HS6ST3: variants seen among roughly 807,000 people sequenced by gnomAD.
The protein encoded by HS6ST3 is heparan-sulfate 6-O-sulfotransferase 3.
In HS6ST3, 12 loss-of-function variants were observed where a neutral mutation model predicts 36.7. The ratio of observed to expected loss-of-function variants is 0.33; its 90% CI spans 0.21 to 0.53. The LOEUF (loss-of-function observed/expected upper bound fraction) is 0.53, where lower values mean the gene tolerates loss of function less well. HS6ST3 is among the 20% of genes least tolerant of loss of function. The pLI is 0.95. For synonymous variants in HS6ST3, 240 were observed against 257.5 expected (o/e 0.93, Z 0.65); for missense variants, 584 against 640.9 (o/e 0.91, Z 0.96).
intron 1 of HS6ST3, among the ~76,000 whole-genome samples, chr13:96,160,993 A>T (rs1348814044): frequency 6.6e-6 from 1 of 152,166 alleles, no homozygotes; most frequent in Non-Finnish European, 1.5e-5. Context: ...TTGATTCTGT[A>T]CTTCCTTAAT....
chr13:96,495,815 T>C (rs2055972102), intron 1 of HS6ST3, among the ~76,000 whole-genome samples: 1 of 152,220 alleles, frequency 6.6e-6, no homozygotes, highest in Non-Finnish European at 1.5e-5. Flanking sequence ...CTTTACATTG[T>C]GAGCAAAACA....
chr13:96,151,155 G>A (rs1361891415), intron 1 of HS6ST3, among the ~76,000 whole-genome samples: 1 of 152,152 alleles, frequency 6.6e-6, no homozygotes, highest in Admixed American at 6.5e-5. Context: ...TGTAATGATG[G>A]CACTTTGGGA....
chr13:96,124,703 T>G (rs1344737221), intron 1 of HS6ST3, among the ~76,000 whole-genome samples: 1 of 152,178 alleles, frequency 6.6e-6, no homozygotes, highest in Non-Finnish European at 1.5e-5. Flanking sequence ...TAAGGAGTCA[T>G]CCACATTAAG....
chr13:96,719,891 CTCT>C (rs1875800383), intron 1 of HS6ST3, among the ~76,000 whole-genome samples: 1 of 152,148 alleles, frequency 6.6e-6, no homozygotes, highest in Non-Finnish European at 1.5e-5. Context: ...TTCTTCCTGT[CTCT>C]TCTTTCTCTC....
chr13:96,507,814 C>T (rs1172734765), intron 1 of HS6ST3, among the ~76,000 whole-genome samples: 1 of 151,994 alleles, frequency 6.6e-6, no homozygotes, highest in African/African-American at 2.4e-5. Context: ...ATCAAAATAA[C>T]TTTAGAATGT....
intron 1 of HS6ST3, among the ~76,000 whole-genome samples, chr13:96,325,407 AT>A (rs1482908285): frequency 6.6e-6 from 1 of 152,156 alleles, no homozygotes; most frequent in Non-Finnish European, 1.5e-5. Context: ...CAGACCAAAA[AT>A]ATTCTTTAAT....
chr13:96,698,557 T>A (rs183023956), intron 1 of HS6ST3, among the ~76,000 whole-genome samples: 1 of 152,066 alleles, frequency 6.6e-6, no homozygotes, highest in Non-Finnish European at 1.5e-5. Flanking sequence ...GCAAGAGACA[T>A]GAAGGACCTC....
intron 1 of HS6ST3, among the ~76,000 whole-genome samples, chr13:96,109,851 G>A (rs524681): frequency 0.82 from 124,582 of 152,146 alleles, 51,392 homozygotes; most frequent in East Asian, 0.92. Flanking sequence ...AAGTTATGAT[G>A]TGAGCAGGTT....
At position 96,090,845 on chromosome 13, in the gene HS6ST3, C is replaced by T. The variant is rs368514301; in HGVS notation, c.-18C>T. On this transcript the variant is annotated 5_prime_UTR_variant, in exon 1 of 2. Coordinates refer to ENST00000376705, the MANE Select transcript of HS6ST3 (RefSeq NM_153456.4). ...CCGCCGCCGCCGCCGCTTCGCCTGC[C>T]GGCCTGAGAGCGGGACCATGGATGA... 3.0e-5 allele frequency: 44 copies of T among 1,479,860 alleles called. No homozygotes were observed. In the African/African-American group the frequency reaches 6.1e-4, roughly 20 times the overall value. 91.7% of individuals were successfully genotyped at this position (1,479,860 alleles called of 1,614,324 possible).
chr13:96,550,763 G>A (rs1179749157), intron 1 of HS6ST3, among the ~76,000 whole-genome samples: 1 of 150,854 alleles, frequency 6.6e-6, no homozygotes, highest in East Asian at 1.9e-4. Context: ...TTTTAGATGA[G>A]TAAGTAACTT....
At chr13:96,805,734 T>C (rs1878183606) in intron 1 of HS6ST3, among the ~76,000 whole-genome samples, 1 of 152,214 alleles carries the variant, frequency 6.6e-6, no homozygotes, top group Non-Finnish European at 1.5e-5. Context: ...AAATAGAATA[T>C]GGAGCTTGAT....
intron 1 of HS6ST3, among the ~76,000 whole-genome samples, chr13:96,355,358 T>TACAC (rs66509801): frequency 0.011 from 1,578 of 140,514 alleles, 16 homozygotes; most frequent in Admixed American, 0.015. Context: ...AGTCTATAGT[T>TACAC]ACACACACAC....
chr13:96,280,759 CCT>C (rs1444246747), intron 1 of HS6ST3, among the ~76,000 whole-genome samples: 1 of 152,070 alleles, frequency 6.6e-6, no homozygotes. Flanking sequence ...TGAAGATGTA[CCT>C]CAACATGATA....
intron 1 of HS6ST3, among the ~76,000 whole-genome samples, chr13:96,641,734 T>G (rs2056570827): frequency 6.6e-6 from 1 of 151,860 alleles, no homozygotes; most frequent in African/African-American, 2.4e-5. Flanking sequence ...CAAGGTAGTT[T>G]GGATTTATAT....
At chr13:96,698,303 T>C (rs920498626) in intron 1 of HS6ST3, among the ~76,000 whole-genome samples, 2 of 152,182 alleles carry the variant, frequency 1.3e-5, no homozygotes, top group Non-Finnish European at 2.9e-5. Flanking sequence ...GTGTTTGTTT[T>C]TTTGTCCTTG....
chr13:96,525,331 T>C (rs2056109415), intron 1 of HS6ST3, among the ~76,000 whole-genome samples: 1 of 152,192 alleles, frequency 6.6e-6, no homozygotes, highest in Non-Finnish European at 1.5e-5. Context: ...AGAATAAAGA[T>C]GGGAGGTTAG....
chr13:96,288,762 T>G (rs764870069), intron 1 of HS6ST3, among the ~76,000 whole-genome samples: 1 of 152,104 alleles, frequency 6.6e-6, no homozygotes, highest in Non-Finnish European at 1.5e-5. Flanking sequence ...GAGAAAAAGA[T>G]GCCTTATTTT....
intron 1 of HS6ST3, among the ~76,000 whole-genome samples, chr13:96,556,558 A>T (rs757256115): frequency 1.3e-5 from 2 of 152,178 alleles, no homozygotes; most frequent in African/African-American, 4.8e-5. Flanking sequence ...AGAACTCATG[A>T]TGTTTACATT....
At chr13:96,196,151 G>A (rs1043185864) in intron 1 of HS6ST3, among the ~76,000 whole-genome samples, 1 of 152,032 alleles carries the variant, frequency 6.6e-6, no homozygotes, top group Non-Finnish European at 1.5e-5. Flanking sequence ...CACTGGGTCC[G>A]CACATCAACT....
Sources: allele counts gnomAD v4.1 joint callset (sites outside exome capture counted in the v4.1 genomes callset), GRCh38; gene constraint gnomAD v4.1.1; transcripts MANE v1.5; gene names NCBI Gene and HGNC (gene_info 2026-07-23, HGNC 2026-07-21).